Variants in BCAS3 observed in about 807,000 individuals in gnomAD.
BCAS3 encodes the protein BCAS3 microtubule associated cell migration factor, also known as BCAS4/BCAS3 fusion.
Under a neutral mutation model 116.1 loss-of-function variants are expected in BCAS3, and 53 were observed. The ratio of observed to expected loss-of-function variants is 0.46; its 90% CI spans 0.37 to 0.57. The LOEUF (loss-of-function observed/expected upper bound fraction) is 0.57. Ranked by LOEUF, BCAS3 falls within the 20% of genes least tolerant of loss-of-function variation. BCAS3 has a pLI of 0.00. For missense variants in BCAS3, 917 were observed against 1,165.4 expected, an observed-to-expected ratio of 0.79 and a Z score of 3.10; for synonymous variants, 391 against 408.2, an observed-to-expected ratio of 0.96 and a Z score of 0.51.
rs1047405205 is a variant in BCAS3, at chr17:61,081,739, G to A, written c.2328-2728G>A. On this transcript the variant is annotated intron_variant, in intron 21 of 23. Coordinates refer to ENST00000407086, the MANE Select transcript of BCAS3 (RefSeq NM_017679.5). ...TTTTAGTACCACCATTTCCCACCCG[G>A]CATCCAATTAGAAACCCAACTATTG... Among the ~76,000 whole-genome samples, 5 of 152,130 alleles carry A rather than the reference G, an allele frequency of 3.3e-5. No individual in the cohort carries two copies. In the South Asian group the frequency reaches 1.0e-3, roughly 32 times the overall value.
chr17:61,320,335 G>A (rs2055105525), intron 22 of BCAS3, among the ~76,000 whole-genome samples: 1 of 151,984 alleles, frequency 6.6e-6, no homozygotes, highest in South Asian at 2.1e-4. Flanking sequence ...AAAGACCTGG[G>A]TTCCTCACTC....
At chr17:61,342,831 C>G (rs2057264439) in intron 22 of BCAS3, among the ~76,000 whole-genome samples, 1 of 151,022 alleles carries the variant, frequency 6.6e-6, no homozygotes, top group South Asian at 2.1e-4. Context: ...GACTCTGTAA[C>G]CCCCGCCTCC....
chr17:61,392,262 C>A lies in BCAS3; in HGVS notation c.*137C>A. On this transcript the variant is annotated 3_prime_UTR_variant, in exon 24 of 24. Transcript: ENST00000407086. The surrounding 1 kb of genome is among the most constrained non-coding windows in gnomAD (Gnocchi z 6.4). ...CCCAAGCTTAGTGACAGCAGCCGCC[C>A]ATCCTACCTGGATGGAGAAGAGACC... The A allele has an allele frequency of 9.3e-7, 1 of 1,070,552 alleles. No homozygotes were observed. The highest frequency in any genetic ancestry group is 1.3e-6 in the Non-Finnish European group (1 of 756,382). The allele number at this position is 1,070,552 out of a possible 1,614,324, so 66.3% of individuals were successfully genotyped here. A position where few individuals can be genotyped will look rare whatever the true frequency, so the allele number is the denominator to read the frequency against.
chr17:60,819,732 C>G (rs1257513056), intron 7 of BCAS3, among the ~76,000 whole-genome samples: 1 of 151,776 alleles, frequency 6.6e-6, no homozygotes, highest in Non-Finnish European at 1.5e-5. Context: ...CTCCCCTTCT[C>G]TTCCCTCCTA....
intron 19 of BCAS3, among the ~76,000 whole-genome samples, chr17:61,061,824 C>A (rs2070074849): frequency 6.6e-6 from 1 of 152,174 alleles, no homozygotes; most frequent in Admixed American, 6.5e-5. Flanking sequence ...AGCAAATAAT[C>A]ATTCTTCTGA....
rs564281512 is a variant in BCAS3, at chr17:61,031,235, CTG to C, written c.1638-3429_1638-3428del. 2.0e-5 allele frequency among the ~76,000 whole-genome samples: 3 copies of C among 152,134 alleles called. No individual in the cohort carries two copies. In the South Asian group the frequency reaches 6.2e-4, roughly 32 times the overall value. Reference sequence around the variant, plus strand: ...TTCCTATGAGGGTTGGGTCAGCAATCTGTAAATTTACATAATATACAAAGCTA... The same window carrying C: ...TTCCTATGAGGGTTGGGTCAGCAATCTAAATTTACATAATATACAAAGCTA... On this transcript the variant is annotated intron_variant, in intron 16 of 23. Transcript: ENST00000407086.
At chr17:61,322,122 C>T (rs1473744120) in intron 22 of BCAS3, among the ~76,000 whole-genome samples, 1 of 151,996 alleles carries the variant, frequency 6.6e-6, no homozygotes. Context: ...TTAGTAGAGA[C>T]AGGGTTTCTC....
Position 61,391,776 on chromosome 17 carries a change from A to C in BCAS3, c.2594-201A>C. The C allele has an allele frequency of 1.6e-6, 1 of 614,156 alleles. No homozygotes were observed. Among genetic ancestry groups the C allele is most frequent in the South Asian group, 1.9e-5 (1 of 51,536 alleles). 38.0% of individuals were successfully genotyped at this position (614,156 alleles called of 1,614,324 possible). A position where few individuals can be genotyped will look rare whatever the true frequency, so the allele number is the denominator to read the frequency against. On this transcript the variant is annotated intron_variant, in intron 23 of 23. Transcript: ENST00000407086. The surrounding 1 kb of genome is among the most constrained non-coding windows in gnomAD (Gnocchi z 7.7). Reference sequence around the variant, plus strand: ...GCTCTCACACCAGAGTCTGCCAGCCAGGGGGCTTTCCCTCCCCTGGCTGAG... The same window carrying C: ...GCTCTCACACCAGAGTCTGCCAGCCCGGGGGCTTTCCCTCCCCTGGCTGAG...
At position 60,995,416 on chromosome 17, in the gene BCAS3, C is replaced by T. The variant is rs1353701042; in HGVS notation, c.1486+5181C>T. On this transcript the variant is annotated intron_variant, in intron 15 of 23. Coordinates refer to ENST00000407086, the MANE Select transcript of BCAS3 (RefSeq NM_017679.5). The surrounding 1 kb of genome is among the most constrained non-coding windows in gnomAD (Gnocchi z 4.7). ...TGAGTGAGTGATCTGCCCACCGTGG[C>T]CTCCCAAAGTGCTGGGATTACAGAC... is the stretch of plus-strand genomic sequence containing the variant. 6.6e-6 allele frequency among the ~76,000 whole-genome samples: 1 copy of T among 152,000 alleles called. No individual in the cohort carries two copies. Among genetic ancestry groups the T allele is most frequent in the Non-Finnish European group, 1.5e-5 (1 of 67,986 alleles).
intron 22 of BCAS3, among the ~76,000 whole-genome samples, chr17:61,297,793 A>G (rs2144728650): frequency 6.6e-6 from 1 of 152,338 alleles, no homozygotes; most frequent in East Asian, 1.9e-4. Flanking sequence ...CCTAACAGCT[A>G]TGCTCTCAAC....
At chr17:60,925,109 CAG>C (rs145921273) in intron 13 of BCAS3, among the ~76,000 whole-genome samples, 9,420 of 152,024 alleles carry the variant, frequency 0.062, 455 homozygotes, top group Non-Finnish European at 0.099. Flanking sequence ...AAGATAAAGA[CAG>C]AGTCTCACTA....
chr17:60,738,006 C>T lies in BCAS3; in HGVS notation c.322-9192C>T, dbSNP rs2041150380. On this transcript the variant is annotated intron_variant, in intron 5 of 23. Coordinates refer to ENST00000407086, the MANE Select transcript of BCAS3 (RefSeq NM_017679.5). ...TTCACCATGTTGGCCAGGCTGGTCT[C>T]AAACTCCTGATCTCAGGTGATCTGC... Among the ~76,000 whole-genome samples the T allele has an allele frequency of 4.6e-5, 7 of 152,232 alleles. No homozygotes were observed. In the Middle Eastern group the frequency reaches 0.017, roughly 372 times the overall value.
rs1206991850 is a variant in BCAS3 at position 60,960,751 on chromosome 17, A to G, written c.1221+13399A>G. Among the ~76,000 whole-genome samples the G allele has an allele frequency of 6.6e-6, 1 of 150,476 alleles. No individual in the cohort carries two copies. Among genetic ancestry groups the G allele is most frequent in the Non-Finnish European group, 1.5e-5 (1 of 67,770 alleles). ...CTGTTTCCTGCTTGTGGAATTTTGC[A>G]AGTCCAGTAGCTGCCTTCTTCTTCT... On this transcript the variant is annotated intron_variant, in intron 14 of 23. Coordinates refer to ENST00000407086, the MANE Select transcript of BCAS3 (RefSeq NM_017679.5). This position sits in a 1 kb window ranked among gnomAD's most constrained non-coding sequence, Gnocchi z 4.1.
At chr17:60,878,972 C>T (rs1011837589) in intron 9 of BCAS3, among the ~76,000 whole-genome samples, 5 of 152,138 alleles carry the variant, frequency 3.3e-5, no homozygotes, top group African/African-American at 7.2e-5. Context: ...CCAGTTTCTC[C>T]CCTTCTCCCT....
chr17:61,349,743 A>G lies in BCAS3; in HGVS notation c.2426-18584A>G, dbSNP rs1411066260. ...AAGAGCTAACTCTACTTTTTTATATATTTAAGACCTAACACTGCTTCATGT... is the reference window on the plus strand; with the variant it reads ...AAGAGCTAACTCTACTTTTTTATATGTTTAAGACCTAACACTGCTTCATGT... On this transcript the variant is annotated intron_variant, in intron 22 of 23. Transcript: ENST00000407086. The surrounding 1 kb of genome is among the most constrained non-coding windows in gnomAD (Gnocchi z 4.7). Among the ~76,000 whole-genome samples, 2 of 152,188 alleles carry G rather than the reference A, an allele frequency of 1.3e-5. No individual in the cohort carries two copies. The highest frequency in any genetic ancestry group is 2.9e-5 in the Non-Finnish European group (2 of 68,038).
At chr17:61,225,569 AG>A (rs1225334477) in intron 22 of BCAS3, among the ~76,000 whole-genome samples, 2 of 152,342 alleles carry the variant, frequency 1.3e-5, no homozygotes, top group African/African-American at 4.8e-5. Flanking sequence ...AAGAAGGAAA[AG>A]GAATGGAATT....
At chr17:61,014,651 A>G (rs1046043073) in intron 15 of BCAS3, among the ~76,000 whole-genome samples, 5 of 146,486 alleles carry the variant, frequency 3.4e-5, no homozygotes, top group East Asian at 2.0e-4. Flanking sequence ...AGTGAGGAGG[A>G]AAAAAAAAAA....
At chr17:60,794,872 C>T (rs2047077436) in intron 6 of BCAS3, among the ~76,000 whole-genome samples, 1 of 152,042 alleles carries the variant, frequency 6.6e-6, no homozygotes, top group African/African-American at 2.4e-5. Flanking sequence ...CTTAGTCTTG[C>T]TTTGGCTATA....
rs774400258 is a variant in BCAS3, at chr17:60,990,070, C to T, written c.1321C>T (p.Pro441Ser). The change falls in exon 15 of 24, where the codon CCT becomes TCT. Residue 441 changes from proline (P) to serine (S), a missense_variant. This residue lies in a region of BCAS3 where 807 missense variants were observed against 1,026.0 expected (regional missense o/e 0.79). Transcript: ENST00000407086. The surrounding 1 kb of genome is among the most constrained non-coding windows in gnomAD (Gnocchi z 5.1). ...VFPINPYGGQ[P>S]CVRTHMSPRV... The stretch of plus-strand genomic sequence containing the variant: ...CCCCATCAACCCTTATGGTGGCCAG[C>T]CTTGTGTTCGTACACATATGTCACC... 2.5e-6 allele frequency: 4 copies of T among 1,614,060 alleles called. No homozygotes were observed. The highest frequency in any genetic ancestry group is 3.4e-6 in the Non-Finnish European group (4 of 1,180,044).
Sources: allele counts gnomAD v4.1 joint callset (sites outside exome capture counted in the v4.1 genomes callset), GRCh38; gene constraint gnomAD v4.1.1; regional missense constraint gnomAD v4.1.1; non-coding constraint Gnocchi (gnomAD v3.1); transcripts MANE v1.5; gene names NCBI Gene and HGNC (gene_info 2026-07-23, HGNC 2026-07-21).